The following ST6GALNAC3 variants were observed in gnomAD, a reference collection of about 807,000 sequenced individuals.
ST6GALNAC3 encodes ST6 N-acetylgalactosaminide alpha-2,6-sialyltransferase 3.
A neutral mutation model predicts 32.7 loss-of-function variants in ST6GALNAC3; 25 were observed. That is an observed-to-expected ratio of 0.76 (90% CI 0.56 to 1.07). The LOEUF is 1.07. ST6GALNAC3 is among the 50% of genes least tolerant of loss of function. The pLI is 0.00. For synonymous variants in ST6GALNAC3, 129 were observed against 133.1 expected (o/e 0.97, Z 0.21); for missense variants, 355 against 382.4 (o/e 0.93, Z 0.60).
intron 3 of ST6GALNAC3, among the ~76,000 whole-genome samples, chr1:76,487,485 A>G (rs1033870831): frequency 1.3e-5 from 2 of 152,114 alleles, no homozygotes; most frequent in African/African-American, 2.4e-5. Context: ...TTGATCTTCA[A>G]TCACTGTTAC....
Position 76,474,756 on chromosome 1 carries a change from A to G in ST6GALNAC3, c.623+62339A>G, listed in dbSNP as rs183761439. Among the ~76,000 whole-genome samples the G allele has an allele frequency of 1.5e-3, 230 of 152,268 alleles. 2 individuals carry two copies. The highest frequency in any genetic ancestry group is 5.3e-3 in the African/African-American group (219 of 41,576). ...TTGAGTAGGAAAGGTAGAGATGTCA[A>G]GAGAAGGCGGAAGAGAGAAAGAGAG... On this transcript the variant is annotated intron_variant, in intron 3 of 4. Coordinates refer to ENST00000328299, the MANE Select transcript of ST6GALNAC3 (RefSeq NM_152996.4).
At chr1:76,378,317 T>C (rs573791735) in intron 2 of ST6GALNAC3, among the ~76,000 whole-genome samples, 2 of 152,310 alleles carry the variant, frequency 1.3e-5, no homozygotes, top group South Asian at 4.1e-4. Flanking sequence ...TAGAATTTTT[T>C]GCAGAGAATG....
intron 3 of ST6GALNAC3, among the ~76,000 whole-genome samples, chr1:76,543,426 AG>A (rs1300517616): frequency 2.0e-5 from 3 of 152,226 alleles, no homozygotes; most frequent in Non-Finnish European, 4.4e-5. Context: ...GATACTGTAG[AG>A]CCAGTTGGTG....
At chr1:76,384,406 A>G (rs1353853712) in intron 2 of ST6GALNAC3, among the ~76,000 whole-genome samples, 1 of 152,190 alleles carries the variant, frequency 6.6e-6, no homozygotes. Flanking sequence ...AACGAAACTA[A>G]GAAGAGAAGT....
intron 3 of ST6GALNAC3, among the ~76,000 whole-genome samples, chr1:76,464,057 C>T (rs991656503): frequency 1.7e-4 from 26 of 152,136 alleles, no homozygotes; most frequent in Admixed American, 5.9e-4. Flanking sequence ...GCCCTCCTTT[C>T]CCCTATAGGG....
intron 3 of ST6GALNAC3, among the ~76,000 whole-genome samples, chr1:76,514,636 C>T (rs1049581242): frequency 2.0e-5 from 3 of 152,162 alleles, no homozygotes; most frequent in Non-Finnish European, 4.4e-5. Context: ...ATATGCTCTT[C>T]CTTTGACTTT....
intron 3 of ST6GALNAC3, among the ~76,000 whole-genome samples, chr1:76,607,857 C>T (rs1345276460): frequency 1.3e-5 from 2 of 152,158 alleles, no homozygotes; most frequent in African/African-American, 4.8e-5. Context: ...GATTCTGACT[C>T]AGCAGTCCTG....
intron 1 of ST6GALNAC3, among the ~76,000 whole-genome samples, chr1:76,268,709 T>C (rs1456158861): frequency 6.6e-6 from 1 of 152,218 alleles, no homozygotes; most frequent in East Asian, 1.9e-4. Context: ...GTGCTGGAAG[T>C]TGAGGGCATT....
intron 3 of ST6GALNAC3, among the ~76,000 whole-genome samples, chr1:76,548,516 G>T (rs1015618797): frequency 1.3e-5 from 2 of 152,070 alleles, no homozygotes; most frequent in Admixed American, 1.3e-4. Flanking sequence ...CATGCCCCAG[G>T]CAGGATGACA....
At chr1:76,603,842 C>G (rs1647359217) in intron 3 of ST6GALNAC3, among the ~76,000 whole-genome samples, 1 of 152,058 alleles carries the variant, frequency 6.6e-6, no homozygotes, top group African/African-American at 2.4e-5. Context: ...ATTTCTTAAG[C>G]TTGGTCGTTT....
At chr1:76,588,504 G>A (rs561220414) in intron 3 of ST6GALNAC3, among the ~76,000 whole-genome samples, 2 of 152,302 alleles carry the variant, frequency 1.3e-5, no homozygotes, top group East Asian at 3.9e-4. Flanking sequence ...TATTTGCCAT[G>A]GACAGGATAC....
At chr1:76,218,561 C>T (rs1373285381) in intron 1 of ST6GALNAC3, among the ~76,000 whole-genome samples, 2 of 152,202 alleles carry the variant, frequency 1.3e-5, no homozygotes, top group Non-Finnish European at 2.9e-5. Context: ...AAAAGCTGTT[C>T]ACCATTTTCT....
chr1:76,565,097 A>G (rs1433237071), intron 3 of ST6GALNAC3, among the ~76,000 whole-genome samples: 3 of 152,110 alleles, frequency 2.0e-5, no homozygotes, highest in Non-Finnish European at 4.4e-5. Flanking sequence ...TCCGGTGTCC[A>G]ACGGGAGGGG....
At chr1:76,402,321 A>G (rs1019718678) in intron 2 of ST6GALNAC3, among the ~76,000 whole-genome samples, 7 of 152,118 alleles carry the variant, frequency 4.6e-5, no homozygotes, top group Non-Finnish European at 1.0e-4. Flanking sequence ...TACAATGTAA[A>G]TATATCTCTC....
At chr1:76,285,484 G>T (rs1354741616) in intron 1 of ST6GALNAC3, among the ~76,000 whole-genome samples, 2 of 151,658 alleles carry the variant, frequency 1.3e-5, no homozygotes, top group African/African-American at 4.8e-5. Context: ...CAGTTTTAGG[G>T]CTCCACAAAA....
At chr1:76,334,238 A>ATG in intron 2 of ST6GALNAC3, among the ~76,000 whole-genome samples, 1 of 152,218 alleles carries the variant, frequency 6.6e-6, no homozygotes, top group Non-Finnish European at 1.5e-5. Flanking sequence ...AATTTACACC[A>ATG]CTTATGATAT....
At chr1:76,341,240 A>T (rs114849130) in intron 2 of ST6GALNAC3, among the ~76,000 whole-genome samples, 2,186 of 151,672 alleles carry the variant, frequency 0.014, 66 homozygotes, top group African/African-American at 0.05. Context: ...GCAGTGTCTA[A>T]TGTCCCCATC....
At chr1:76,419,660 T>C (rs1654889980) in intron 3 of ST6GALNAC3, among the ~76,000 whole-genome samples, 1 of 152,140 alleles carries the variant, frequency 6.6e-6, no homozygotes, top group Non-Finnish European at 1.5e-5. Context: ...TCTCTATTCT[T>C]GGATGCTTGA....
intron 1 of ST6GALNAC3, among the ~76,000 whole-genome samples, chr1:76,195,401 C>T (rs903037447): frequency 9.8e-5 from 15 of 152,294 alleles, no homozygotes; most frequent in South Asian, 2.1e-4. Flanking sequence ...TATACATTTT[C>T]CCATTTCATC....
Sources: allele counts gnomAD v4.1 joint callset (sites outside exome capture counted in the v4.1 genomes callset), GRCh38; gene constraint gnomAD v4.1.1; transcripts MANE v1.5; gene names NCBI Gene and HGNC (gene_info 2026-07-23, HGNC 2026-07-21).